RAPGEF5: variants seen among roughly 807,000 people sequenced by gnomAD.
RAPGEF5 encodes Rap guanine nucleotide exchange factor 5, also known as M-Ras-regulated GEF.
A neutral mutation model predicts 125.2 loss-of-function variants in RAPGEF5; 65 were observed. The ratio of observed to expected loss-of-function variants is 0.52; its 90% CI spans 0.43 to 0.64. RAPGEF5 has a LOEUF of 0.64. Among genes scored for constraint, RAPGEF5 ranks in the 30% least tolerant of loss-of-function variants. The probability of loss-of-function intolerance (pLI) is 0.00; values close to 1 mark genes in which losing one functional copy is unlikely to be tolerated. For synonymous variants in RAPGEF5, 391 were observed against 385.9 expected, an observed-to-expected ratio of 1.01 and a Z score of -0.16; for missense variants, 958 against 1,048.1, an observed-to-expected ratio of 0.91 and a Z score of 1.19.
Position 22,356,816 on chromosome 7 carries a change from G to T in RAPGEF5, c.231+14C>A. On this transcript the variant is annotated intron_variant, in intron 1 of 25. Coordinates refer to ENST00000665637, the MANE Select transcript of RAPGEF5 (RefSeq NM_012294.5). ...CGCCGCCCGTGCCCACTCGGACAGG[G>T]CCGGGCCACTCACCCGGCCCCCAGC... The T allele has an allele frequency of 1.7e-6, 2 of 1,157,668 alleles. No homozygotes were observed. Among genetic ancestry groups the T allele is most frequent in the African/African-American group, 3.2e-5 (2 of 61,868 alleles). The allele number at this position is 1,157,668 out of a possible 1,614,324, so 71.7% of individuals were successfully genotyped here.
At chr7:22,258,624 CAAAAAAAA>C (rs34352575) in intron 7 of RAPGEF5, among the ~76,000 whole-genome samples, 4 of 45,806 alleles carry the variant, frequency 8.7e-5, no homozygotes, top group African/African-American at 2.7e-4. Flanking sequence ...AACTCCGTCT[CAAAAAAAA>C]AAAAAAAAAA....
chr7:22,142,636 T>C (rs1783300980), intron 20 of RAPGEF5, among the ~76,000 whole-genome samples: 1 of 152,236 alleles, frequency 6.6e-6, no homozygotes, highest in Admixed American at 6.5e-5. Flanking sequence ...TTAGATGCCA[T>C]TCCAGGCTGG....
chr7:22,333,927 C>T (rs1405121654), intron 1 of RAPGEF5, among the ~76,000 whole-genome samples: 1 of 152,196 alleles, frequency 6.6e-6, no homozygotes, highest in African/African-American at 2.4e-5. Context: ...CGTGCTTGTG[C>T]CCCAAGAAAC....
intron 1 of RAPGEF5, among the ~76,000 whole-genome samples, chr7:22,340,758 G>A (rs984565537): frequency 1.3e-5 from 2 of 152,216 alleles, no homozygotes; most frequent in African/African-American, 2.4e-5. Context: ...AAGAGGTGAT[G>A]CACAGGCATG....
chr7:22,346,011 C>T (rs1036146055), intron 1 of RAPGEF5, among the ~76,000 whole-genome samples: 2 of 152,200 alleles, frequency 1.3e-5, no homozygotes, highest in Non-Finnish European at 2.9e-5. Context: ...TTCTCCCTCT[C>T]CAACTGAAGA....
chr7:22,232,856 T>TG (rs1195317279), intron 7 of RAPGEF5, among the ~76,000 whole-genome samples: 1 of 152,184 alleles, frequency 6.6e-6, no homozygotes, highest in African/African-American at 2.4e-5. Context: ...CTACTTCTTT[T>TG]GTAACTTTAT....
chr7:22,321,250 C>A (rs1283722248), intron 1 of RAPGEF5, among the ~76,000 whole-genome samples: 2 of 151,516 alleles, frequency 1.3e-5, no homozygotes, highest in African/African-American at 4.9e-5. Context: ...AAATGGACTT[C>A]CAGAAAAAAA....
chr7:22,249,783 G>A (rs927280019), intron 7 of RAPGEF5, among the ~76,000 whole-genome samples: 1 of 152,126 alleles, frequency 6.6e-6, no homozygotes, highest in Non-Finnish European at 1.5e-5. Context: ...AACTCTGCGG[G>A]TCATACAGAC....
chr7:22,156,590 A>C (rs1189018113), intron 16 of RAPGEF5, among the ~76,000 whole-genome samples: 1 of 152,208 alleles, frequency 6.6e-6, no homozygotes, highest in African/African-American at 2.4e-5. Flanking sequence ...CTTGCTTCCC[A>C]AATTATAAGT....
Position 22,260,662 on chromosome 7 carries a change from G to C in RAPGEF5, c.796+6302C>G, listed in dbSNP as rs529965276. ...GAAAGATACCCTATATTCATTGATA[G>C]AAACACATTATCTCAAAAATATCTG... On this transcript the variant is annotated intron_variant, in intron 7 of 25. Coordinates refer to ENST00000665637, the MANE Select transcript of RAPGEF5 (RefSeq NM_012294.5). Among the ~76,000 whole-genome samples the C allele has an allele frequency of 3.3e-5, 5 of 151,826 alleles. No homozygotes were observed. The East Asian group carries it at 7.7e-4, about 24-fold the overall frequency.
chr7:22,246,826 G>A (rs948551005), intron 7 of RAPGEF5, among the ~76,000 whole-genome samples: 34 of 152,118 alleles, frequency 2.2e-4, no homozygotes, highest in African/African-American at 6.3e-4. Context: ...TGCAAACAGT[G>A]CATCTGACAA....
At chr7:22,185,582 A>C (rs1222395592) in intron 11 of RAPGEF5, among the ~76,000 whole-genome samples, 6 of 152,208 alleles carry the variant, frequency 3.9e-5, no homozygotes, top group East Asian at 3.8e-4. Context: ...CCAAACCAAA[A>C]CAAAACAAAA....
At chr7:22,325,835 A>T (rs950291547) in intron 1 of RAPGEF5, among the ~76,000 whole-genome samples, 20 of 152,220 alleles carry the variant, frequency 1.3e-4, no homozygotes, top group African/African-American at 4.6e-4. Flanking sequence ...AAGTACTGGG[A>T]TTATATGAGT....
rs552528004 is a variant in RAPGEF5 at position 22,157,746 on chromosome 7, G to A, written c.1557+109C>T. ...GCAGCCCCAGGCGCCCCGCCTTGTC[G>A]TGTTCTGCTCGAGGCAGTATTCATT... On this transcript the variant is annotated intron_variant, in intron 15 of 25. Transcript: ENST00000665637. 1.6e-4 allele frequency: 205 copies of A among 1,250,576 alleles called. 1 individual carries two copies. Among genetic ancestry groups the A allele is most frequent in the South Asian group, 1.4e-3 (113 of 79,654 alleles). 77.5% of individuals were successfully genotyped at this position (1,250,576 alleles called of 1,614,324 possible). A position where few individuals can be genotyped will look rare whatever the true frequency, so the allele number is the denominator to read the frequency against.
At position 22,193,944 on chromosome 7, in the gene RAPGEF5, G is replaced by T. The variant is rs978893167; in HGVS notation, c.1086C>A (p.Pro362=). 3 of 1,613,758 alleles carry T rather than the reference G, an allele frequency of 1.9e-6. No homozygotes were observed. Among genetic ancestry groups the T allele is most frequent in the African/African-American group, 2.7e-5 (2 of 74,906 alleles). The change falls in exon 10 of 26, where the codon CCC becomes CCA. Residue 362 remains proline (P), a synonymous_variant. Coordinates refer to ENST00000665637, the MANE Select transcript of RAPGEF5 (RefSeq NM_012294.5). ...AATGGCTCTCCGCACTCCCAGCTGT[G>T]GGGGCTGGGCCACAGCACTGCACTT... ...LKKVQCCGPA[P]TAGSAESHWR...
intron 5 of RAPGEF5, among the ~76,000 whole-genome samples, chr7:22,305,660 T>G (rs79146156): frequency 1.4e-4 from 21 of 152,194 alleles, no homozygotes; most frequent in African/African-American, 4.8e-4. Flanking sequence ...TCATTCTTTC[T>G]AACGTTTTTT....
At chr7:22,240,350 G>A in intron 7 of RAPGEF5, among the ~76,000 whole-genome samples, 1 of 149,086 alleles carries the variant, frequency 6.7e-6, no homozygotes, top group African/African-American at 2.5e-5. Context: ...TTTTTCTCGA[G>A]AGGCAGAAAG....
chr7:22,313,819 G>A (rs1783528584), intron 3 of RAPGEF5, among the ~76,000 whole-genome samples: 1 of 152,200 alleles, frequency 6.6e-6, no homozygotes, highest in Non-Finnish European at 1.5e-5. Context: ...TTCTAAAGGT[G>A]ATGCCATCAT....
At chr7:22,248,324 T>C (rs1290474049) in intron 7 of RAPGEF5, among the ~76,000 whole-genome samples, 2 of 152,182 alleles carry the variant, frequency 1.3e-5, no homozygotes, top group African/African-American at 4.8e-5. Flanking sequence ...AAACAAAACA[T>C]ATCAACTTCA....
Sources: gnomAD v4.1 joint callset for allele counts (sites outside exome capture counted in the v4.1 genomes callset) on GRCh38, gnomAD v4.1.1 for gene constraint, MANE v1.5 for transcripts, NCBI Gene and HGNC (gene_info 2026-07-23, HGNC 2026-07-21) for gene names.